The following CFDP1 variants were observed in gnomAD, a reference collection of about 807,000 sequenced individuals.
CFDP1 encodes the protein heterochromatin-stabilizing protein CFDP1.
In CFDP1, 31 loss-of-function variants were observed where a neutral mutation model predicts 40.1. The ratio of observed to expected loss-of-function variants is 0.77; its 90% CI spans 0.58 to 1.04. The LOEUF (loss-of-function observed/expected upper bound fraction) is 1.04, where lower values mean the gene tolerates loss of function less well. Ranked by LOEUF, CFDP1 falls within the 50% of genes least tolerant of loss-of-function variation. The probability of loss-of-function intolerance (pLI) is 0.00; values close to 1 mark genes in which losing one functional copy is unlikely to be tolerated. For synonymous variants in CFDP1, 167 were observed against 120.0 expected, an observed-to-expected ratio of 1.39 and a Z score of -2.56; for missense variants, 423 against 343.4, an observed-to-expected ratio of 1.23 and a Z score of -1.83.
chr16:75,361,683 C>G (rs1464630733), intron 5 of CFDP1, among the ~76,000 whole-genome samples: 2 of 151,906 alleles, frequency 1.3e-5, no homozygotes, highest in Admixed American at 6.6e-5. Context: ...GTAAAAAACT[C>G]AAAGAATTAA....
intron 5 of CFDP1, among the ~76,000 whole-genome samples, chr16:75,364,136 AAAAC>A (rs376363030): frequency 1.7e-3 from 65 of 38,010 alleles, no homozygotes; most frequent in African/African-American, 2.7e-3. Flanking sequence ...AAAACAAAAC[AAAAC>A]AAACAAACAA....
chr16:75,371,965 T>C (rs943630401), intron 5 of CFDP1, among the ~76,000 whole-genome samples: 1 of 152,236 alleles, frequency 6.6e-6, no homozygotes, highest in Non-Finnish European at 1.5e-5. Context: ...TGAGTCCTTC[T>C]GTGCCAGGAA....
chr16:75,321,646 T>C (rs2078364350), intron 5 of CFDP1, among the ~76,000 whole-genome samples: 1 of 152,126 alleles, frequency 6.6e-6, no homozygotes, highest in Non-Finnish European at 1.5e-5. Context: ...GGAAGGGGCT[T>C]TATGGGCCCA....
At chr16:75,307,675 C>G (rs191971627) in intron 5 of CFDP1, among the ~76,000 whole-genome samples, 1 of 152,342 alleles carries the variant, frequency 6.6e-6, no homozygotes, top group East Asian at 1.9e-4. Context: ...CCTCCCACCT[C>G]AGTCTCCTGA....
At chr16:75,401,428 C>A (rs1198665954) in intron 4 of CFDP1, among the ~76,000 whole-genome samples, 166 of 92,306 alleles carry the variant, frequency 1.8e-3, no homozygotes, top group African/African-American at 3.0e-3. Flanking sequence ...GACTCCGTCT[C>A]AAAAAAAAAA....
intron 5 of CFDP1, among the ~76,000 whole-genome samples, chr16:75,316,305 T>C (rs927835953): frequency 1.3e-5 from 2 of 152,154 alleles, no homozygotes; most frequent in African/African-American, 4.8e-5. Flanking sequence ...GATAATACTC[T>C]CAGGAAGTTC....
chr16:75,350,112 T>A (rs1384620655), intron 5 of CFDP1, among the ~76,000 whole-genome samples: 1 of 152,218 alleles, frequency 6.6e-6, no homozygotes, highest in East Asian at 1.9e-4. Flanking sequence ...AATATTCTAC[T>A]GTTTGGACAT....
rs537748649 is a variant in CFDP1, at chr16:75,354,447, G to A, written c.650+40643C>T. 4.6e-5 allele frequency among the ~76,000 whole-genome samples: 7 copies of A among 152,114 alleles called. No individual in the cohort carries two copies. In the South Asian group the frequency reaches 1.0e-3, roughly 23 times the overall value. ...TGAAGTCCTGGTCTGCCTAACTCCA[G>A]CCTTAAAGTCATATGAGCATGAGGT... On this transcript the variant is annotated intron_variant, in intron 5 of 6. Transcript: ENST00000283882.
rs1230704672 is a variant in CFDP1 at position 75,411,760 on chromosome 16, A to G, written c.530+65T>C. On this transcript the variant is annotated intron_variant, in intron 4 of 6. Coordinates refer to ENST00000283882, the MANE Select transcript of CFDP1 (RefSeq NM_006324.3). ...ATTGAAAAGAGGATAGATGGCTAAC[A>G]CCAGTTAGAGAGAGACGCTCATTTT... 4.8e-6 allele frequency: 7 copies of G among 1,457,420 alleles called. No homozygotes were observed. The East Asian group carries it at 1.6e-4, about 33-fold the overall frequency. 90.3% of individuals were successfully genotyped at this position (1,457,420 alleles called of 1,614,324 possible). A position where few individuals can be genotyped will look rare whatever the true frequency, so the allele number is the denominator to read the frequency against.
chr16:75,419,267 TA>T (rs1225538423), intron 1 of CFDP1: 1 of 155,356 alleles, frequency 6.4e-6, no homozygotes, highest in East Asian at 1.8e-4. Flanking sequence ...CTCATGATAT[TA>T]AAAAGACAGA....
chr16:75,334,511 G>C (rs561303689), intron 5 of CFDP1, among the ~76,000 whole-genome samples: 1 of 150,932 alleles, frequency 6.6e-6, no homozygotes, highest in Non-Finnish European at 1.5e-5. Context: ...TGGAGGCAGC[G>C]CAGAGGGTGG....
chr16:75,345,580 G>T (rs973582886), intron 5 of CFDP1, among the ~76,000 whole-genome samples: 2 of 152,156 alleles, frequency 1.3e-5, no homozygotes, highest in African/African-American at 4.8e-5. Flanking sequence ...AGGAGTTCAA[G>T]GATGCAGTGA....
At chr16:75,349,666 A>ATATAT (rs1567653444) in intron 5 of CFDP1, among the ~76,000 whole-genome samples, 51 of 13,668 alleles carry the variant, frequency 3.7e-3, no homozygotes, top group Non-Finnish European at 5.2e-3. Flanking sequence ...AAAAAAAAAA[A>ATATAT]AAAAAAAAAA....
At chr16:75,417,005 T>TA (rs200787561) in intron 1 of CFDP1, among the ~76,000 whole-genome samples, 2 of 152,088 alleles carry the variant, frequency 1.3e-5, no homozygotes, top group African/African-American at 2.4e-5. Context: ...ACCCCATATC[T>TA]AAAAAAAATT....
chr16:75,325,156 C>G (rs2078393337), intron 5 of CFDP1: 1 of 152,564 alleles, frequency 6.6e-6, no homozygotes, highest in South Asian at 2.1e-4. Flanking sequence ...GACTCTAACT[C>G]CAGCTTTATA....
At chr16:75,360,446 A>C (rs750192658) in intron 5 of CFDP1, among the ~76,000 whole-genome samples, 1 of 152,254 alleles carries the variant, frequency 6.6e-6, no homozygotes, top group Non-Finnish European at 1.5e-5. Context: ...TAACTGAAGG[A>C]AACCGAAACA....
At chr16:75,430,293 C>T (rs1322697885) in intron 1 of CFDP1, among the ~76,000 whole-genome samples, 2 of 151,974 alleles carry the variant, frequency 1.3e-5, no homozygotes, top group African/African-American at 4.8e-5. Flanking sequence ...CCCCAGCCTC[C>T]GGAGTAGCTG....
In CFDP1 at chr16:75,294,273, AG is replaced by A. The variant is rs202125662; in HGVS notation, c.810-232del. On this transcript the variant is annotated intron_variant, in intron 6 of 6. Transcript: ENST00000283882. The stretch of plus-strand genomic sequence containing the variant: ...GAAAGTATATTAGAGGCTGGGTGGC[AG>A]GAAGATGTTGCAATTTTCTAACAAG... 6.9e-3 allele frequency among the ~76,000 whole-genome samples: 1,054 copies of A among 152,338 alleles called. 8 individuals carry two copies. The highest frequency in any genetic ancestry group is 0.024 in the African/African-American group (1,000 of 41,578).
At chr16:75,325,087 C>G (rs1810217554) in intron 5 of CFDP1, 1 of 152,184 alleles carries the variant, frequency 6.6e-6, no homozygotes, top group Non-Finnish European at 1.5e-5. Flanking sequence ...TGCATCCAGT[C>G]CCAAGGCTTA....
Sources: allele counts gnomAD v4.1 joint callset (sites outside exome capture counted in the v4.1 genomes callset), GRCh38; gene constraint gnomAD v4.1.1; transcripts MANE v1.5; gene names NCBI Gene and HGNC (gene_info 2026-07-23, HGNC 2026-07-21).